The following SPMIP4 variants were observed in gnomAD, a reference collection of about 807,000 sequenced individuals.
SPMIP4 encodes the protein sperm microtubule inner protein 4.
the SPMIP4 span, chr7:25,179,283 T>C: frequency 1.2e-6 from 2 of 1,613,092 alleles, no homozygotes; most frequent in South Asian, 2.2e-5. Flanking sequence ...CCTGCAACAG[T>C]AGGGCCTGCC....
At chr7:25,171,086 A>G in the SPMIP4 span, among the ~76,000 whole-genome samples, 41 of 152,226 alleles carry the variant, frequency 2.7e-4, no homozygotes, top group African/African-American at 9.6e-4. Flanking sequence ...TGTGCATGCT[A>G]AAGTTTTAGA....
the SPMIP4 span, among the ~76,000 whole-genome samples, chr7:25,143,889 G>T: frequency 3.9e-5 from 6 of 151,984 alleles, no homozygotes; most frequent in African/African-American, 1.5e-4. Flanking sequence ...GAGCTACCAT[G>T]CTCGACCATG....
the SPMIP4 span, among the ~76,000 whole-genome samples, chr7:25,169,742 T>C: frequency 6.6e-6 from 1 of 152,040 alleles, no homozygotes; most frequent in Non-Finnish European, 1.5e-5. Flanking sequence ...GCCTGGCTAA[T>C]TTTTTGTATT....
At chr7:25,165,419 G>A in the SPMIP4 span, among the ~76,000 whole-genome samples, 1 of 152,150 alleles carries the variant, frequency 6.6e-6, no homozygotes, top group East Asian at 1.9e-4. Flanking sequence ...CTGCTTTTGG[G>A]GAGGTGAGTA....
At chr7:25,177,989 C>T in the SPMIP4 span, among the ~76,000 whole-genome samples, 2 of 152,170 alleles carry the variant, frequency 1.3e-5, no homozygotes, top group Non-Finnish European at 2.9e-5. Flanking sequence ...GCCTTGGTGT[C>T]TGTGGTTCCC....
At chr7:25,141,440 T>C in the SPMIP4 span, among the ~76,000 whole-genome samples, 6 of 151,818 alleles carry the variant, frequency 4.0e-5, no homozygotes, top group Admixed American at 1.3e-4. Context: ...GGTGTGGTGG[T>C]GCGTGCCTGT....
chr7:25,136,678 C>T, the SPMIP4 span: 1 of 1,614,138 alleles, frequency 6.2e-7, no homozygotes, highest in Admixed American at 1.7e-5. The surrounding 1 kb of genome is among the most constrained non-coding windows in gnomAD (Gnocchi z 5.7). Flanking sequence ...ACAATCTGGA[C>T]AGGAACGTGG....
chr7:25,161,426 G>A, the SPMIP4 span, among the ~76,000 whole-genome samples: 1 of 151,776 alleles, frequency 6.6e-6, no homozygotes. Flanking sequence ...AAATAGAGAC[G>A]AGGTCTTGCT....
At chr7:25,125,889 C>T in the SPMIP4 span, 30 of 984,730 alleles carry the variant, frequency 3.0e-5, no homozygotes, top group Non-Finnish European at 3.6e-5. Context: ...CTGTTACTTT[C>T]AGTCACATTC....
the SPMIP4 span, among the ~76,000 whole-genome samples, chr7:25,165,739 G>C: frequency 1.3e-5 from 2 of 152,236 alleles, no homozygotes; most frequent in Admixed American, 6.5e-5. Context: ...TTCTGTTTCA[G>C]TAAATCTGGG....
chr7:25,177,620 T>G, the SPMIP4 span, among the ~76,000 whole-genome samples: 1 of 152,224 alleles, frequency 6.6e-6, no homozygotes, highest in Non-Finnish European at 1.5e-5. Context: ...ATACAGGAAA[T>G]GCTGACACTA....
At chr7:25,135,936 G>A in the SPMIP4 span, 2 of 1,540,000 alleles carry the variant, frequency 1.3e-6, no homozygotes, top group African/African-American at 1.4e-5. Flanking sequence ...TTAGCTTCTT[G>A]CAAGAGGCTG....
the SPMIP4 span, among the ~76,000 whole-genome samples, chr7:25,170,523 T>G: frequency 2.0e-5 from 3 of 152,262 alleles, no homozygotes; most frequent in Non-Finnish European, 4.4e-5. Context: ...CAAAAAAGTT[T>G]TTTAATTTTG....
the SPMIP4 span, among the ~76,000 whole-genome samples, chr7:25,168,661 A>G: frequency 4.0e-5 from 6 of 151,898 alleles, no homozygotes; most frequent in African/African-American, 1.4e-4. Context: ...ATGAGGTTAA[A>G]TTTCTGAGGA....
chr7:25,137,327 C>A, the SPMIP4 span, among the ~76,000 whole-genome samples: 3 of 142,278 alleles, frequency 2.1e-5, no homozygotes, highest in African/African-American at 7.9e-5. Flanking sequence ...TTTATTTTTT[C>A]TTTTTTCTTT....
the SPMIP4 span, among the ~76,000 whole-genome samples, chr7:25,163,497 A>G: frequency 6.6e-6 from 1 of 152,210 alleles, no homozygotes; most frequent in Non-Finnish European, 1.5e-5. This position sits in a 1 kb window ranked among gnomAD's most constrained non-coding sequence, Gnocchi z 4.4. Context: ...GGTAGATAAA[A>G]CGACCAGCTG....
the SPMIP4 span, chr7:25,155,103 T>C: frequency 6.2e-7 from 1 of 1,613,634 alleles, no homozygotes; most frequent in Non-Finnish European, 8.5e-7. Context: ...CGTGTAGAGG[T>C]CCTCAGGTGA....
At chr7:25,155,085 T>C in the SPMIP4 span, 2 of 1,614,052 alleles carry the variant, frequency 1.2e-6, no homozygotes, top group Non-Finnish European at 1.7e-6. Flanking sequence ...GGTGCGGGCT[T>C]TAATGCCCGT....
At chr7:25,141,300 G>A in the SPMIP4 span, among the ~76,000 whole-genome samples, 28 of 152,178 alleles carry the variant, frequency 1.8e-4, no homozygotes, top group African/African-American at 6.5e-4. Flanking sequence ...AGGGCCAGGC[G>A]CAGTAGCTCA....
Sources: allele counts gnomAD v4.1 joint callset (sites outside exome capture counted in the v4.1 genomes callset), GRCh38; gene constraint gnomAD v4.1.1; non-coding constraint Gnocchi (gnomAD v3.1); transcripts MANE v1.5; gene names NCBI Gene and HGNC (gene_info 2026-07-23, HGNC 2026-07-21).